SOCS2: variants seen among roughly 807,000 people sequenced by gnomAD.
SOCS2 encodes the protein suppressor of cytokine signaling 2, also known as CIS-2.
A neutral mutation model predicts 18.6 loss-of-function variants in SOCS2; 10 were observed. That is an observed-to-expected ratio of 0.54 (90% CI 0.33 to 0.91). SOCS2 has a LOEUF of 0.91. Among genes scored for constraint, SOCS2 ranks in the 40% least tolerant of loss-of-function variants. SOCS2 has a pLI of 0.02. For missense variants in SOCS2, 231 were observed against 247.2 expected (o/e 0.93, Z 0.44); for synonymous variants, 104 against 104.0 (o/e 1.00, Z 0.00).
At chr12:93,626,123 T>C in the SOCS2 span, among the ~76,000 whole-genome samples, 2 of 152,192 alleles carry the variant, frequency 1.3e-5, no homozygotes, top group Non-Finnish European at 2.9e-5. Flanking sequence ...TGCTTAGATC[T>C]TTCTGGGGTG....
At chr12:93,610,730 C>T in the SOCS2 span, among the ~76,000 whole-genome samples, 1 of 152,102 alleles carries the variant, frequency 6.6e-6, no homozygotes, top group African/African-American at 2.4e-5. Context: ...GTTTTCTGCC[C>T]TTCCACCATG....
the SOCS2 span, among the ~76,000 whole-genome samples, chr12:93,614,480 T>TTTCC: frequency 0.012 from 314 of 26,104 alleles, 16 homozygotes; most frequent in South Asian, 0.023. Flanking sequence ...CCTTCCTTCC[T>TTTCC]TTCCTTCCTT....
chr12:93,614,635 T>TTGTTTCTTTC, the SOCS2 span, among the ~76,000 whole-genome samples: 1 of 111,676 alleles, frequency 9.0e-6, no homozygotes, highest in South Asian at 2.9e-4. Context: ...TTCTTTCTTT[T>TTGTTTCTTTC]GATGGAGTCT....
chr12:93,604,365 T>G, the SOCS2 span, among the ~76,000 whole-genome samples: 1 of 152,180 alleles, frequency 6.6e-6, no homozygotes, highest in Admixed American at 6.5e-5. Flanking sequence ...GCATTTTTAT[T>G]CCCCAGACCA....
chr12:93,571,670 T>A, upstream of SOCS2: 1 of 251,224 alleles, frequency 4.0e-6, no homozygotes, highest in South Asian at 3.1e-5. Context: ...GTCGAGGCAA[T>A]GATCCTCGAG....
chr12:93,586,362 T>G (rs1284973454), downstream of SOCS2, among the ~76,000 whole-genome samples: 1 of 152,248 alleles, frequency 6.6e-6, no homozygotes, highest in Non-Finnish European at 1.5e-5. Context: ...CTACCAGTTT[T>G]TAATCAGACT....
downstream of SOCS2, among the ~76,000 whole-genome samples, chr12:93,577,136 G>C (rs1274161840): frequency 6.6e-6 from 1 of 152,182 alleles, no homozygotes; most frequent in Non-Finnish European, 1.5e-5. Context: ...TACTGGGAGT[G>C]GGGAGGCAGT....
At chr12:93,592,652 G>A in the SOCS2 span, among the ~76,000 whole-genome samples, 1 of 152,158 alleles carries the variant, frequency 6.6e-6, no homozygotes, top group Non-Finnish European at 1.5e-5. Context: ...ATAGCTGAGG[G>A]TTTTCCTTAA....
chr12:93,577,534 T>TC (rs369426541), downstream of SOCS2, among the ~76,000 whole-genome samples: 67 of 149,450 alleles, frequency 4.5e-4, 1 homozygote, highest in Admixed American at 2.6e-3. Flanking sequence ...TTTTTTTTTT[T>TC]CCCCCGGGAG....
chr12:93,611,849 A>G, the SOCS2 span, among the ~76,000 whole-genome samples: 2 of 152,068 alleles, frequency 1.3e-5, no homozygotes, highest in Admixed American at 6.6e-5. Flanking sequence ...TTCCTTTGAT[A>G]TTCAGTTTAT....
chr12:93,575,341 G>T lies in SOCS2; in HGVS notation c.*162G>T. 2.1e-6 allele frequency: 1 copy of T among 479,338 alleles called. No homozygotes were observed. The highest frequency in any genetic ancestry group is 3.6e-6 in the Non-Finnish European group (1 of 276,612). The allele number at this position is 479,338 out of a possible 1,614,324, so 29.7% of individuals were successfully genotyped here. A position where few individuals can be genotyped will look rare whatever the true frequency, so the allele number is the denominator to read the frequency against. On this transcript the variant is annotated 3_prime_UTR_variant, in exon 2 of 2. Transcript: ENST00000551556. ...TTTAACAGCTTGAAGAGGTAGCTAG[G>T]TGTTTAAAGTTCCTCCAGATACTTT... is the stretch of plus-strand genomic sequence containing the variant.
chr12:93,587,950 A>G (rs769170657), downstream of SOCS2, among the ~76,000 whole-genome samples: 39 of 152,184 alleles, frequency 2.6e-4, no homozygotes, highest in Non-Finnish European at 4.1e-4. Context: ...CTTTTGAACA[A>G]CAGAGTGACC....
At chr12:93,578,680 T>TCACACACA (rs1565843789), downstream of SOCS2, among the ~76,000 whole-genome samples, 1 of 116,960 alleles carries the variant, frequency 8.5e-6, no homozygotes, top group Non-Finnish European at 1.8e-5. Flanking sequence ...ATTTGCATGC[T>TCACACACA]CGCACACACA....
At chr12:93,578,716 A>G (rs1954498993), downstream of SOCS2, among the ~76,000 whole-genome samples, 1 of 151,726 alleles carries the variant, frequency 6.6e-6, no homozygotes, top group African/African-American at 2.4e-5. Flanking sequence ...ACACACAGGC[A>G]CACAACCCAG....
chr12:93,617,953 C>T, the SOCS2 span, among the ~76,000 whole-genome samples: 8 of 152,264 alleles, frequency 5.3e-5, no homozygotes, highest in East Asian at 1.9e-4. Flanking sequence ...CCAAATCTCA[C>T]GTCAAATTAT....
At chr12:93,594,463 T>C in the SOCS2 span, among the ~76,000 whole-genome samples, 3 of 152,182 alleles carry the variant, frequency 2.0e-5, no homozygotes, top group Non-Finnish European at 4.4e-5. Flanking sequence ...ACTCTTTTAA[T>C]TTTTTGAGTC....
At chr12:93,573,439 G>A in intron 1 of SOCS2, 1 of 385,326 alleles carries the variant, frequency 2.6e-6, no homozygotes, top group Non-Finnish European at 4.6e-6. Flanking sequence ...CTGGCTCCCG[G>A]GCGGAGCTGC....
chr12:93,575,095 T>C lies in SOCS2; in HGVS notation c.513T>C (p.Ile171=), dbSNP rs1954422883. Residue 171 remains isoleucine, a synonymous_variant, in exon 2 of 2, where the codon ATT becomes ATC. Coordinates refer to ENST00000551556, the MANE Select transcript of SOCS2 (RefSeq NM_001270471.2). ...PSLQHLCRLT[I]NKCTGAIWGL... ...TGCAGCATCTCTGTAGGCTCACCAT[T>C]AACAAATGTACCGGTGCCATCTGGG... 8 of 1,612,306 alleles carry C rather than the reference T, an allele frequency of 5.0e-6. No individual in the cohort carries two copies. The East Asian group carries it at 1.8e-4, about 36-fold the overall frequency.
the SOCS2 span, among the ~76,000 whole-genome samples, chr12:93,604,560 A>G: frequency 1.3e-5 from 2 of 152,256 alleles, no homozygotes; most frequent in African/African-American, 4.8e-5. Flanking sequence ...TGGGTATTTT[A>G]GAAAGTTAGA....
Sources: allele counts gnomAD v4.1 joint callset (sites outside exome capture counted in the v4.1 genomes callset), GRCh38; gene constraint gnomAD v4.1.1; transcripts MANE v1.5; gene names NCBI Gene and HGNC (gene_info 2026-07-23, HGNC 2026-07-21).